Variants in MAK16 observed in about 807,000 individuals in gnomAD.
The protein encoded by MAK16 is MAK16 homolog.
Under a neutral mutation model 49.9 loss-of-function variants are expected in MAK16, and 12 were observed. The ratio of observed to expected loss-of-function variants is 0.24; its 90% confidence interval spans 0.15 to 0.39. The LOEUF is 0.39. Among genes scored for constraint, MAK16 ranks in the 10% least tolerant of loss-of-function variants. The pLI, the probability that MAK16 is intolerant of heterozygous loss-of-function variation, is 1.00. For synonymous variants in MAK16, 115 were observed against 126.4 expected (o/e 0.91, Z 0.60); for missense variants, 292 against 363.7 (o/e 0.80, Z 1.60).
In MAK16 at chr8:33,488,434, C is replaced by T; in HGVS notation, c.65+7C>T. The stretch of plus-strand genomic sequence containing the variant: ...TTTGTTCCTTCAAAATAAGGTGAGT[C>T]TCAATTTACAACTTGGTCAAAGATT... On this transcript the variant is annotated splice_region_variant and intron_variant, in intron 2 of 9. Transcript: ENST00000360128. 6.2e-7 allele frequency: 1 copy of T among 1,614,124 alleles called. No homozygotes were observed. Among genetic ancestry groups the T allele is most frequent in the African/African-American group, 1.3e-5 (1 of 75,050 alleles).
intron 5 of MAK16, 64 bp from the exon 6 acceptor site, chr8:33,490,221 C>T (rs1554525163): frequency 8.1e-6 from 11 of 1,360,190 alleles, no homozygotes; most frequent in Admixed American, 7.6e-5. Context: ...CTTTTTTCTT[C>T]TCATCCTTAA....
intron 1 of MAK16, among the ~76,000 whole-genome samples, chr8:33,486,895 T>G (rs1808695815): frequency 6.6e-6 from 1 of 152,234 alleles, no homozygotes. Context: ...GAAAGAAGTC[T>G]GACCAGAAAA....
intron 1 of MAK16, 57 bp from the exon 2 acceptor site, chr8:33,488,321 T>C (rs1044765833): frequency 7.8e-6 from 12 of 1,546,294 alleles, no homozygotes; most frequent in Non-Finnish European, 1.1e-5. Flanking sequence ...CTTCTTGAAT[T>C]AATATAGTAT....
chr8:33,495,419 T>A (rs764130763), intron 6 of MAK16, 123 bp from the exon 7 acceptor site: 5 of 778,332 alleles, frequency 6.4e-6, no homozygotes, highest in Non-Finnish European at 1.0e-5. Context: ...AAAGCCAGTA[T>A]TAGCAAGGAG....
chr8:33,498,706 C>T lies in MAK16; in HGVS notation c.*77C>T, dbSNP rs905686160. ...TTTTTTTTTATCTTAAACACATACA[C>T]ACCTCCAGTTTTTGCTCTTTTGTGT... On this transcript the variant is annotated 3_prime_UTR_variant, in exon 10 of 10. Coordinates refer to ENST00000360128, the MANE Select transcript of MAK16 (RefSeq NM_032509.4). 2 of 1,244,246 alleles carry T rather than the reference C, an allele frequency of 1.6e-6. No homozygotes were observed. Among genetic ancestry groups the T allele is most frequent in the African/African-American group, 3.1e-5 (2 of 64,466 alleles). The allele number at this position is 1,244,246 out of a possible 1,614,324, so 77.1% of individuals were successfully genotyped here.
At chr8:33,490,623 T>C (rs534144593) in intron 6 of MAK16, among the ~76,000 whole-genome samples, 1 of 152,360 alleles carries the variant, frequency 6.6e-6, no homozygotes, top group South Asian at 2.1e-4. Flanking sequence ...CTTCAGAATT[T>C]TGATGTTGCA....
chr8:33,490,515 A>G (rs551678873), intron 6 of MAK16, among the ~76,000 whole-genome samples, 176 bp downstream of exon 6: 11 of 152,318 alleles, frequency 7.2e-5, no homozygotes, highest in South Asian at 6.2e-4. Flanking sequence ...GATTTTCAGC[A>G]CAGGTTAAAG....
chr8:33,486,101 A>G (rs1399090329), intron 1 of MAK16, among the ~76,000 whole-genome samples: 1 of 152,216 alleles, frequency 6.6e-6, no homozygotes, highest in Non-Finnish European at 1.5e-5. Context: ...AAGACAGGTA[A>G]TGAAATTAGA....
chr8:33,490,980 C>T (rs903746449), intron 6 of MAK16, among the ~76,000 whole-genome samples: 1 of 152,134 alleles, frequency 6.6e-6, no homozygotes, highest in Admixed American at 6.6e-5. Flanking sequence ...TCTGTATATC[C>T]ATGAGTTCAA....
intron 6 of MAK16, among the ~76,000 whole-genome samples, chr8:33,494,437 C>T (rs146791490): frequency 2.0e-5 from 3 of 152,332 alleles, no homozygotes; most frequent in African/African-American, 7.2e-5. Flanking sequence ...TAACTACTCT[C>T]TATCTTTGGC....
chr8:33,490,201 A>G, intron 5 of MAK16, 84 bp from the exon 6 acceptor site: 1 of 1,158,152 alleles, frequency 8.6e-7, no homozygotes, highest in Non-Finnish European at 1.3e-6. Context: ...TTTAGTCACC[A>G]ATTCCAATCC....
chr8:33,486,496 G>A (rs779750431), intron 1 of MAK16, among the ~76,000 whole-genome samples: 5 of 152,226 alleles, frequency 3.3e-5, no homozygotes, highest in Non-Finnish European at 7.3e-5. Context: ...AGGCTGCAGT[G>A]AGCTATGATG....
At position 33,500,338 on chromosome 8, in the gene MAK16, C is replaced by A. The variant is rs1286898805; in HGVS notation, c.*1709C>A. ...TTCAGTCTGCCTTACCTTTACCCGT[C>A]CTTGAGAACAGCGGTCCAGGAGAAT... is the stretch of plus-strand genomic sequence containing the variant. On this transcript the variant is annotated 3_prime_UTR_variant, in exon 10 of 10. Transcript: ENST00000360128. 4 of 1,614,116 alleles carry A rather than the reference C, an allele frequency of 2.5e-6. No individual in the cohort carries two copies. Among genetic ancestry groups the A allele is most frequent in the Non-Finnish European group, 3.4e-6 (4 of 1,180,010 alleles).
rs761810886 is a variant in MAK16 at position 33,489,017 on chromosome 8, A to C, written c.270A>C (p.Ala90=). The change falls in exon 5 of 10, where the codon GCA becomes GCC. Residue 90 remains alanine (A), a synonymous_variant. Transcript: ENST00000360128. The surrounding 1 kb of genome is among the most constrained non-coding windows in gnomAD (Gnocchi z 4.2). ...GGCTTAGTAAAAACTATGAGAAAGCACTGGAGCAAATAGATGAAAATCTGA... is the reference window on the plus strand; with the variant it reads ...GGCTTAGTAAAAACTATGAGAAAGCCCTGGAGCAAATAGATGAAAATCTGA... ...RVRLSKNYEK[A]LEQIDENLIY... is the part of the protein sequence containing the mutation. The C allele has an allele frequency of 1.9e-6, 3 of 1,614,178 alleles. No homozygotes were observed. Among genetic ancestry groups the C allele is most frequent in the Non-Finnish European group, 2.5e-6 (3 of 1,180,028 alleles).
chr8:33,494,097 C>T (rs1189228155), intron 6 of MAK16, among the ~76,000 whole-genome samples: 2 of 152,136 alleles, frequency 1.3e-5, no homozygotes, highest in South Asian at 4.1e-4. Context: ...TTAGGTTCTA[C>T]AGCTTTTGCT....
At chr8:33,488,852 A>T (rs1309182672) in intron 4 of MAK16, 54 bp downstream of exon 4, 2 of 1,603,878 alleles carry the variant, frequency 1.2e-6, no homozygotes, top group Non-Finnish European at 1.7e-6. Context: ...TCAAAGCCAC[A>T]TGCTTGACCA....
At chr8:33,488,140 C>T (rs1474375294) in intron 1 of MAK16, among the ~76,000 whole-genome samples, 2 of 152,172 alleles carry the variant, frequency 1.3e-5, no homozygotes, top group Admixed American at 6.5e-5. Context: ...GTTAATCAGG[C>T]TGGTCTCAAA....
Position 33,499,292 on chromosome 8 carries a change from C to A in MAK16, c.*663C>A, listed in dbSNP as rs1464028311. The stretch of plus-strand genomic sequence containing the variant: ...GCCAGGAGACCCTGAAACATGAAAC[C>A]AAACAGGCTTTGATATTTTTTTTTT... On this transcript the variant is annotated 3_prime_UTR_variant, in exon 10 of 10. Coordinates refer to ENST00000360128, the MANE Select transcript of MAK16 (RefSeq NM_032509.4). The A allele has an allele frequency of 1.3e-6, 2 of 1,571,944 alleles. No homozygotes were observed. The highest frequency in any genetic ancestry group is 1.8e-6 in the Non-Finnish European group (2 of 1,141,996).
At chr8:33,491,566 G>A (rs1333222739) in intron 6 of MAK16, among the ~76,000 whole-genome samples, 1 of 147,062 alleles carries the variant, frequency 6.8e-6, no homozygotes, top group Non-Finnish European at 1.5e-5. Flanking sequence ...TTTGCCATTT[G>A]TATGTCTTCT....
Sources: allele counts gnomAD v4.1 joint callset (sites outside exome capture counted in the v4.1 genomes callset), GRCh38; gene constraint gnomAD v4.1.1; non-coding constraint Gnocchi (gnomAD v3.1); transcripts MANE v1.5; gene names NCBI Gene and HGNC (gene_info 2026-07-23, HGNC 2026-07-21).